Variants in EGFL7 observed in about 807,000 individuals in gnomAD.
EGFL7 encodes EGF like domain multiple 7, also known as epidermal growth factor-like protein 7.
Under a neutral mutation model 37.1 loss-of-function variants are expected in EGFL7, and 48 were observed. The ratio of observed to expected loss-of-function variants is 1.29; its 90% CI spans 1.03 to 1.65. EGFL7 has a LOEUF of 1.65. EGFL7 is among the 40% of genes most tolerant of loss of function. The pLI, the probability that EGFL7 is intolerant of heterozygous loss-of-function variation, is 0.00. For synonymous variants in EGFL7, 180 were observed against 156.8 expected (o/e 1.15, Z -1.10); for missense variants, 384 against 378.9 (o/e 1.01, Z -0.11).
At chr9:136,669,073 C>G (rs1845668881) in intron 5 of EGFL7, among the ~76,000 whole-genome samples, 1 of 152,200 alleles carries the variant, frequency 6.6e-6, no homozygotes, top group Admixed American at 6.5e-5. Context: ...GCACCCCCCT[C>G]CACATGACGG....
Position 136,669,727 on chromosome 9 carries a change from G to GGA in EGFL7, c.313+7_313+8insAG. 6.3e-7 allele frequency: 1 copy of GGA among 1,575,976 alleles called. No homozygotes were observed. The highest frequency in any genetic ancestry group is 1.3e-5 in the African/African-American group (1 of 74,338). On this transcript the variant is annotated splice_region_variant and intron_variant, in intron 6 of 10. Coordinates refer to ENST00000308874, the MANE Select transcript of EGFL7 (RefSeq NM_016215.5). ...TCCTGGGGCCTGTGGAGCAGGTGAG[G>GGA]GCTATGTCCCTCGGCGCCCGGTGTT...
intron 3 of EGFL7, chr9:136,665,747 G>T (rs1351665003): frequency 6.8e-6 from 1 of 146,654 alleles, no homozygotes; most frequent in African/African-American, 2.5e-5. Flanking sequence ...GGGGCGGGGC[G>T]GGGCTCGGGG....
chr9:136,667,278 C>A (rs921995998), intron 3 of EGFL7, among the ~76,000 whole-genome samples: 9 of 152,328 alleles, frequency 5.9e-5, no homozygotes, highest in African/African-American at 2.2e-4. Context: ...GAAGCCTGGC[C>A]TTTCCCTGCG....
intron 8 of EGFL7, chr9:136,670,674 G>A (rs760999709): frequency 7.8e-6 from 6 of 771,892 alleles, no homozygotes; most frequent in South Asian, 5.4e-5. Context: ...GTAATAATGC[G>A]CCGTCCACGG....
chr9:136,667,247 C>T (rs1051652594), intron 3 of EGFL7, among the ~76,000 whole-genome samples: 2 of 152,166 alleles, frequency 1.3e-5, no homozygotes, highest in African/African-American at 4.8e-5. Context: ...GACAGCCTTA[C>T]CCCAGCCTCT....
chr9:136,662,262 C>A (rs1169760311), upstream of EGFL7, among the ~76,000 whole-genome samples: 2 of 152,230 alleles, frequency 1.3e-5, no homozygotes, highest in African/African-American at 4.8e-5. Context: ...GGCTCACAGC[C>A]TCACTGGCAG....
intron 3 of EGFL7, among the ~76,000 whole-genome samples, chr9:136,667,484 C>A (rs1845548679): frequency 6.6e-6 from 1 of 152,218 alleles, no homozygotes; most frequent in Non-Finnish European, 1.5e-5. Context: ...GGAAGCCTCA[C>A]CCGGGCCCCT....
chr9:136,672,340 T>C lies in EGFL7; in HGVS notation c.*54T>C. 1.2e-6 allele frequency: 2 copies of C among 1,611,072 alleles called. No homozygotes were observed. Among genetic ancestry groups the C allele is most frequent in the Non-Finnish European group, 8.5e-7 (1 of 1,178,470 alleles). ...CCCTCACGCCGCCCTGCAGCCCCCA[T>C]GCCCCTGCCCAACATGCTGGGGGTC... On this transcript the variant is annotated 3_prime_UTR_variant, in exon 11 of 11. Transcript: ENST00000308874.
rs1479232610 is a variant in EGFL7, at chr9:136,666,236, C to G, written c.-43+1451C>G. Reference sequence around the variant, plus strand: ...GGGCGGCGGGCAGGTCCGTCTCGCTCCGCCTCTGCGCCCTCCCTCGTGGGC... The same window carrying G: ...GGGCGGCGGGCAGGTCCGTCTCGCTGCGCCTCTGCGCCCTCCCTCGTGGGC... On this transcript the variant is annotated intron_variant, in intron 3 of 10. Coordinates refer to ENST00000308874, the MANE Select transcript of EGFL7 (RefSeq NM_016215.5). This position sits in a 1 kb window ranked among gnomAD's most constrained non-coding sequence, Gnocchi z 6.8. Among the ~76,000 whole-genome samples the G allele has an allele frequency of 6.6e-6, 1 of 151,528 alleles. No homozygotes were observed. Among genetic ancestry groups the G allele is most frequent in the Non-Finnish European group, 1.5e-5 (1 of 67,770 alleles).
At position 136,670,646 on chromosome 9, in the gene EGFL7, T is replaced by A. The variant is rs537048954; in HGVS notation, c.572-304T>A. ...TTACTTTTGGTACGCGCTGTGACAC[T>A]TCAAACTCGTACCGTGAGTAATAAT... On this transcript the variant is annotated intron_variant, in intron 8 of 10. Transcript: ENST00000308874. 3.9e-6 allele frequency: 3 copies of A among 771,462 alleles called. No individual in the cohort carries two copies. In the East Asian group the frequency reaches 7.4e-5, roughly 19 times the overall value. 47.8% of individuals were successfully genotyped at this position (771,462 alleles called of 1,614,324 possible).
Position 136,668,541 on chromosome 9 carries a change from C to T in EGFL7, c.81-16C>T, listed in dbSNP as rs4880118. On this transcript the variant is annotated splice_polypyrimidine_tract_variant and intron_variant, in intron 4 of 10. Transcript: ENST00000308874. Reference sequence around the variant, plus strand: ...GCTCTGGGACTCCTGGGCTGACCCCCTCTCCACCCCCGCAGCCGTAGGGTG... The same window carrying T: ...GCTCTGGGACTCCTGGGCTGACCCCTTCTCCACCCCCGCAGCCGTAGGGTG... The T allele has an allele frequency of 0.12, 193,081 of 1,605,534 alleles. 12,498 individuals are homozygous for T. Among genetic ancestry groups the T allele is most frequent in the Middle Eastern group, 0.18 (1,066 of 6,050 alleles).
At chr9:136,671,055 G>A (rs1194055627) in intron 9 of EGFL7, 41 bp downstream of exon 9, 1 of 1,420,376 alleles carries the variant, frequency 7.0e-7, no homozygotes, top group East Asian at 3.0e-5. Flanking sequence ...GGCAGTCCAG[G>A]GTGGACCTGC....
At chr9:136,665,811 T>G (rs971646301) in intron 3 of EGFL7, 31 of 142,892 alleles carry the variant, frequency 2.2e-4, no homozygotes, top group African/African-American at 7.9e-4. Flanking sequence ...GCGCCCCGGA[T>G]CCGGCGGTGA....
chr9:136,661,138 G>A (rs1845120300), upstream of EGFL7, among the ~76,000 whole-genome samples: 1 of 152,296 alleles, frequency 6.6e-6, no homozygotes, highest in South Asian at 2.1e-4. Context: ...TGGCCCGCTG[G>A]GGGCCTTCCC....
In EGFL7 at chr9:136,669,690, G is replaced by A; in HGVS notation, c.282G>A (p.Arg94=). Residue 94 remains arginine, a synonymous_variant, in exon 6 of 11, where the codon AGG becomes AGA. Coordinates refer to ENST00000308874, the MANE Select transcript of EGFL7 (RefSeq NM_016215.5). ...ACGCGTGCTGCCCCGGCTGGAAGAG[G>A]ACCAGCGGGCTTCCTGGGGCCTGTG... ...PRYACCPGWK[R]TSGLPGACGA... 3.1e-6 allele frequency: 5 copies of A among 1,604,802 alleles called. No individual in the cohort carries two copies. The highest frequency in any genetic ancestry group is 4.2e-6 in the Non-Finnish European group (5 of 1,176,756).
chr9:136,672,414 T>A lies in EGFL7; in HGVS notation c.*128T>A. 3 of 1,085,110 alleles carry A rather than the reference T, an allele frequency of 2.8e-6. No homozygotes were observed. The highest frequency in any genetic ancestry group is 4.1e-6 in the Non-Finnish European group (3 of 726,198). The allele number at this position is 1,085,110 out of a possible 1,614,324, so 67.2% of individuals were successfully genotyped here. ...AGCGGAAGGCCAGGCAGGGCCTTCCTCCTCTTCCTCCTCCCCTTCCTCGGG... is the reference window on the plus strand; with the variant it reads ...AGCGGAAGGCCAGGCAGGGCCTTCCACCTCTTCCTCCTCCCCTTCCTCGGG... On this transcript the variant is annotated 3_prime_UTR_variant, in exon 11 of 11. Transcript: ENST00000308874.
Position 136,672,260 on chromosome 9 carries a change from C to G in EGFL7, c.800-4C>G, listed in dbSNP as rs771909271. 5 of 1,613,432 alleles carry G rather than the reference C, an allele frequency of 3.1e-6. No homozygotes were observed. The highest frequency in any genetic ancestry group is 1.7e-6 in the Non-Finnish European group (2 of 1,179,956). ...TCTCTGACCTTCGCCTCATCCAACCCTAGGCTCCTGCAAGAAAGACTCGTG... is the reference window on the plus strand; with the variant it reads ...TCTCTGACCTTCGCCTCATCCAACCGTAGGCTCCTGCAAGAAAGACTCGTG... On this transcript the variant is annotated splice_region_variant and splice_polypyrimidine_tract_variant and intron_variant, in intron 10 of 10. Transcript: ENST00000308874.
At position 136,662,994 on chromosome 9, in the gene EGFL7, G is replaced by C. The variant is rs1845239512; in HGVS notation, c.-467G>C. On this transcript the variant is annotated 5_prime_UTR_variant, in exon 1 of 11. Coordinates refer to ENST00000308874, the MANE Select transcript of EGFL7 (RefSeq NM_016215.5). ...GACAGGCCAGGCAGGTGGGCCTCAG[G>C]AGGTGCCTCCAGGCGGCCAGTGGGC... 1 of 152,406 alleles carries C rather than the reference G, an allele frequency of 6.6e-6. No homozygotes were observed. The highest frequency in any genetic ancestry group is 1.5e-5 in the Non-Finnish European group (1 of 68,152). The allele number at this position is 152,406 out of a possible 1,614,324, so 9.4% of individuals were successfully genotyped here. A position where few individuals can be genotyped will look rare whatever the true frequency, so the allele number is the denominator to read the frequency against.
chr9:136,672,523 C>G lies in EGFL7; in HGVS notation c.*237C>G. 1 of 606,032 alleles carries G rather than the reference C, an allele frequency of 1.7e-6. No individual in the cohort carries two copies. Among genetic ancestry groups the G allele is most frequent in the Admixed American group, 2.9e-5 (1 of 34,146 alleles). The allele number at this position is 606,032 out of a possible 1,614,324, so 37.5% of individuals were successfully genotyped here. ...GCTACCCCCACCCTGGCTACCCCAA[C>G]GGCATCCCAAGGCCAGGTGGGCCCT... On this transcript the variant is annotated 3_prime_UTR_variant, in exon 11 of 11. Coordinates refer to ENST00000308874, the MANE Select transcript of EGFL7 (RefSeq NM_016215.5).
Sources: allele counts gnomAD v4.1 joint callset (sites outside exome capture counted in the v4.1 genomes callset), GRCh38; gene constraint gnomAD v4.1.1; non-coding constraint Gnocchi (gnomAD v3.1); transcripts MANE v1.5; gene names NCBI Gene and HGNC (gene_info 2026-07-23, HGNC 2026-07-21).